MTSS1: variants seen among roughly 807,000 people sequenced by gnomAD.
The protein encoded by MTSS1 is MTSS I-BAR domain containing 1.
Under a neutral mutation model 79.0 loss-of-function variants are expected in MTSS1, and 18 were observed. The ratio of observed to expected loss-of-function variants is 0.23; its 90% CI spans 0.16 to 0.34. The LOEUF is 0.34. Ranked by LOEUF, MTSS1 falls within the 10% of genes least tolerant of loss-of-function variation. The pLI is 1.00. For missense variants in MTSS1, 815 were observed against 986.2 expected, an observed-to-expected ratio of 0.83 and a Z score of 2.33; for synonymous variants, 341 against 368.6, an observed-to-expected ratio of 0.93 and a Z score of 0.86.
chr8:124,653,639 G>A (rs189089508), intron 3 of MTSS1, among the ~76,000 whole-genome samples: 6 of 152,292 alleles, frequency 3.9e-5, no homozygotes, highest in East Asian at 1.9e-4. Flanking sequence ...CAGGAGAATC[G>A]CTTGAACCTG....
chr8:124,617,664 C>A (rs957897712), intron 3 of MTSS1, among the ~76,000 whole-genome samples: 1 of 152,184 alleles, frequency 6.6e-6, no homozygotes, highest in African/African-American at 2.4e-5. Context: ...AGCCCCTGGG[C>A]ACCCTCTGCG....
intron 6 of MTSS1, chr8:124,577,691 A>G: frequency 3.9e-6 from 2 of 507,306 alleles, no homozygotes; most frequent in Non-Finnish European, 7.9e-6. Context: ...GTATTTCCTC[A>G]TCAGCCTTCT....
In MTSS1 at chr8:124,555,891, A is replaced by G; in HGVS notation, c.1418T>C (p.Met473Thr). Residue 473 changes from methionine to threonine, a missense_variant, in exon 13 of 14, where the codon ATG (methionine) becomes ACG (threonine). By Grantham distance (81) the Met-to-Thr change is moderately conservative. Transcript: ENST00000518547. ...CAGGGCCAGCTCCTCACAAGCCTCC[A>G]TCTCCTCACCAGGCTGCAGGTTGGA... ...VSAATRPGEE[M>T]EACEELALAL... 1.2e-6 allele frequency: 2 copies of G among 1,608,452 alleles called. No homozygotes were observed. Among genetic ancestry groups the G allele is most frequent in the East Asian group, 2.2e-5 (1 of 44,852 alleles).
intron 6 of MTSS1, chr8:124,580,043 A>AT (rs1829734859): frequency 6.6e-6 from 1 of 152,454 alleles, no homozygotes; most frequent in Non-Finnish European, 1.5e-5. Flanking sequence ...CTTTTGATTT[A>AT]TTTTTTAAAA....
At chr8:124,648,539 C>A (rs1819380158) in intron 3 of MTSS1, among the ~76,000 whole-genome samples, 2 of 152,106 alleles carry the variant, frequency 1.3e-5, no homozygotes, top group South Asian at 4.1e-4. Context: ...ATAAAGCCAG[C>A]ATTTGTAAAA....
chr8:124,638,875 T>C (rs1817511622), intron 3 of MTSS1, among the ~76,000 whole-genome samples: 1 of 152,218 alleles, frequency 6.6e-6, no homozygotes, highest in African/African-American at 2.4e-5. Context: ...AAATATCATT[T>C]TGGAAATCCA....
At chr8:124,669,831 C>A (rs998228255) in intron 3 of MTSS1, among the ~76,000 whole-genome samples, 1 of 152,252 alleles carries the variant, frequency 6.6e-6, no homozygotes, top group Non-Finnish European at 1.5e-5. Context: ...AATCTCCCTA[C>A]ACTAGATAAA....
chr8:124,666,900 G>C (rs1823201397), intron 3 of MTSS1, among the ~76,000 whole-genome samples: 1 of 152,290 alleles, frequency 6.6e-6, no homozygotes, highest in Middle Eastern at 3.4e-3. Context: ...GTAGGGAGAG[G>C]AGGAGGTCAA....
chr8:124,696,851 CA>C (rs35766199), intron 3 of MTSS1, among the ~76,000 whole-genome samples: 10,794 of 129,044 alleles, frequency 0.084, 502 homozygotes, highest in Non-Finnish European at 0.11. Flanking sequence ...GAGTCCGTCT[CA>C]AAAAAAAAAA....
intron 3 of MTSS1, among the ~76,000 whole-genome samples, chr8:124,672,842 CATGCACACACACACAT>C (rs1039446058): frequency 5.3e-5 from 8 of 151,444 alleles, no homozygotes; most frequent in Admixed American, 6.6e-5. Flanking sequence ...CACACACATG[CATGCACACACACACAT>C]ATGCACACAC....
At chr8:124,593,596 G>A (rs530156493) in intron 3 of MTSS1, among the ~76,000 whole-genome samples, 1 of 152,326 alleles carries the variant, frequency 6.6e-6, no homozygotes, top group African/African-American at 2.4e-5. Flanking sequence ...GGAGAACAAC[G>A]TTTAAGGTTG....
At chr8:124,617,011 ATTACATAAGTG>A (rs1836996221) in intron 3 of MTSS1, among the ~76,000 whole-genome samples, 1 of 150,726 alleles carries the variant, frequency 6.6e-6, no homozygotes, top group Non-Finnish European at 1.5e-5. Context: ...TCTCATTAGG[ATTACATAAGTG>A]GTAAACCAAC....
At chr8:124,717,939 T>C (rs145610066) in intron 1 of MTSS1, among the ~76,000 whole-genome samples, 1 of 152,228 alleles carries the variant, frequency 6.6e-6, no homozygotes, top group Non-Finnish European at 1.5e-5. Context: ...CCAAATGAAT[T>C]AATTAGAGAA....
At chr8:124,560,640 G>A (rs1019360369) in intron 10 of MTSS1, among the ~76,000 whole-genome samples, 1 of 152,132 alleles carries the variant, frequency 6.6e-6, no homozygotes, top group South Asian at 2.1e-4. Context: ...AACAGAGTGA[G>A]ACCCTGTCTC....
At chr8:124,589,187 T>C (rs1030525560) in intron 5 of MTSS1, among the ~76,000 whole-genome samples, 18 of 151,354 alleles carry the variant, frequency 1.2e-4, no homozygotes, top group Non-Finnish European at 8.8e-5. Flanking sequence ...CCCACCACCA[T>C]GCTTGGCTAA....
chr8:124,638,251 T>A (rs1762963580), intron 3 of MTSS1, among the ~76,000 whole-genome samples: 1 of 152,234 alleles, frequency 6.6e-6, no homozygotes, highest in South Asian at 2.1e-4. Flanking sequence ...AAATTTCAAA[T>A]TTCACAACTA....
chr8:124,641,548 TA>T (rs962112656), intron 3 of MTSS1, among the ~76,000 whole-genome samples: 1 of 152,148 alleles, frequency 6.6e-6, no homozygotes, highest in Non-Finnish European at 1.5e-5. Context: ...AATTACTCAA[TA>T]AACGGGCTCT....
At chr8:124,632,644 G>C (rs1476687271) in intron 3 of MTSS1, among the ~76,000 whole-genome samples, 1 of 152,096 alleles carries the variant, frequency 6.6e-6, no homozygotes, top group Non-Finnish European at 1.5e-5. Flanking sequence ...TTTAAGAACA[G>C]CATTCAGAAT....
Position 124,589,710 on chromosome 8 carries a change from C to G in MTSS1, c.295G>C (p.Ala99Pro), listed in dbSNP as rs181264737. The change falls in exon 5 of 14, where the codon GCT becomes CCT. Residue 99 changes from alanine (A) to proline (P), a missense_variant and splice_region_variant. Ala to Pro is a conservative substitution (Grantham distance 27, BLOSUM62 -1). Transcript: ENST00000518547. ...IEAKLRQFSS[A>P]LIDCLINPLQ... ...GGGTTTATCAGACAATCAATTAAAG[C>G]GCTTTTACCAAGCGGGGGGGAAAAA... 6.2e-7 allele frequency: 1 copy of G among 1,607,298 alleles called. No individual in the cohort carries two copies. Among genetic ancestry groups the G allele is most frequent in the Non-Finnish European group, 8.5e-7 (1 of 1,176,680 alleles).
Sources: allele counts gnomAD v4.1 joint callset (sites outside exome capture counted in the v4.1 genomes callset), GRCh38; gene constraint gnomAD v4.1.1; transcripts MANE v1.5; gene names NCBI Gene and HGNC (gene_info 2026-07-23, HGNC 2026-07-21).